Variants in MDGA2 observed in about 807,000 individuals in gnomAD.
MDGA2 encodes the protein MAM domain-containing glycosylphosphatidylinositol anchor protein 2.
A neutral mutation model predicts 117.8 loss-of-function variants in MDGA2; 40 were observed. That is an observed-to-expected ratio of 0.34 (90% CI 0.26 to 0.44). The LOEUF is 0.44. Ranked by LOEUF, MDGA2 falls within the 20% of genes least tolerant of loss-of-function variation. The pLI is 1.00. For synonymous variants in MDGA2, 452 were observed against 439.0 expected (o/e 1.03, Z -0.37); for missense variants, 1,123 against 1,250.6 (o/e 0.90, Z 1.54).
At chr14:46,934,196 TAG>T (rs954830617) in intron 9 of MDGA2, among the ~76,000 whole-genome samples, 4 of 151,998 alleles carry the variant, frequency 2.6e-5, no homozygotes, top group African/African-American at 9.7e-5. Flanking sequence ...TTGTCTATTA[TAG>T]AGATTTCCAA....
At chr14:47,494,195 T>G (rs1338767923) in intron 1 of MDGA2, among the ~76,000 whole-genome samples, 1 of 152,204 alleles carries the variant, frequency 6.6e-6, no homozygotes, top group East Asian at 1.9e-4. Context: ...TTAAACCTCT[T>G]TGCTTTATAA....
At chr14:47,588,245 T>TATATATAG (rs1555334168) in intron 1 of MDGA2, among the ~76,000 whole-genome samples, 1 of 85,442 alleles carries the variant, frequency 1.2e-5, no homozygotes, top group Non-Finnish European at 2.4e-5. Flanking sequence ...TAGATATATA[T>TATATATAG]ATATATATAT....
At chr14:47,652,561 CTT>C (rs1897664765) in intron 1 of MDGA2, among the ~76,000 whole-genome samples, 1 of 152,064 alleles carries the variant, frequency 6.6e-6, no homozygotes, top group Non-Finnish European at 1.5e-5. Flanking sequence ...TAGAATTAAA[CTT>C]TGATTCACAA....
chr14:47,157,467 T>C (rs910192467), intron 3 of MDGA2, among the ~76,000 whole-genome samples: 1 of 152,200 alleles, frequency 6.6e-6, no homozygotes, highest in Non-Finnish European at 1.5e-5. Flanking sequence ...GAAAGAGTTT[T>C]TGAACCTTGA....
rs1889870477 is a variant in MDGA2 at position 47,061,246 on chromosome 14, T to C, written c.1525+3A>G. On this transcript the variant is annotated splice_donor_region_variant and intron_variant, in intron 7 of 16. Transcript: ENST00000399232. ...TTTTACATCATAAATATATGCCTCT[T>C]ACCTGTGCTGCTGGATATATTAACA... The C allele has an allele frequency of 3.1e-6, 5 of 1,608,376 alleles. No homozygotes were observed. Among genetic ancestry groups the C allele is most frequent in the Non-Finnish European group, 4.3e-6 (5 of 1,175,362 alleles).
At chr14:47,148,488 G>A (rs950532435) in intron 3 of MDGA2, among the ~76,000 whole-genome samples, 61 of 152,174 alleles carry the variant, frequency 4.0e-4, no homozygotes, top group African/African-American at 1.3e-3. Context: ...CCATTCTATC[G>A]CTCTATTAAG....
chr14:47,068,273 G>A (rs531190062), intron 6 of MDGA2, among the ~76,000 whole-genome samples: 16 of 151,914 alleles, frequency 1.1e-4, no homozygotes, highest in African/African-American at 3.6e-4. Context: ...AAGAAAGGAC[G>A]TTTTAGGCAG....
At chr14:47,038,738 C>T (rs1214968977) in intron 7 of MDGA2, among the ~76,000 whole-genome samples, 1 of 151,746 alleles carries the variant, frequency 6.6e-6, no homozygotes, top group African/African-American at 2.4e-5. Flanking sequence ...GAGATCAAGA[C>T]CATCCTGGTC....
At chr14:47,027,227 G>A (rs1268811539) in intron 8 of MDGA2, among the ~76,000 whole-genome samples, 1 of 151,926 alleles carries the variant, frequency 6.6e-6, no homozygotes, top group African/African-American at 2.4e-5. Context: ...GGGTTTCAAG[G>A]GGAGAAAATA....
intron 1 of MDGA2, among the ~76,000 whole-genome samples, chr14:47,645,089 T>C (rs1209011637): frequency 6.6e-6 from 1 of 152,136 alleles, no homozygotes; most frequent in Non-Finnish European, 1.5e-5. Context: ...CCTATAAGAC[T>C]CATTTCAGAT....
chr14:47,178,870 G>A (rs1229637477), intron 3 of MDGA2, among the ~76,000 whole-genome samples: 1 of 152,072 alleles, frequency 6.6e-6, no homozygotes, highest in Non-Finnish European at 1.5e-5. Flanking sequence ...TCCAGGTAGA[G>A]GGAACAGTAT....
intron 2 of MDGA2, among the ~76,000 whole-genome samples, chr14:47,266,098 A>G (rs1447561067): frequency 6.6e-6 from 1 of 152,162 alleles, no homozygotes; most frequent in Non-Finnish European, 1.5e-5. Context: ...TCTTCAATGT[A>G]TAGGTGGACA....
At chr14:47,071,394 G>C (rs979771043) in intron 6 of MDGA2, among the ~76,000 whole-genome samples, 1 of 152,160 alleles carries the variant, frequency 6.6e-6, no homozygotes, top group Admixed American at 6.5e-5. Flanking sequence ...GCTGAGGTGT[G>C]AAGAGACTCA....
At chr14:47,526,706 G>T (rs1411881970) in intron 1 of MDGA2, among the ~76,000 whole-genome samples, 2 of 152,258 alleles carry the variant, frequency 1.3e-5, no homozygotes, top group East Asian at 1.9e-4. Flanking sequence ...AGTTCTCTGA[G>T]ATTTCTTCTT....
At chr14:46,946,684 A>G (rs895231977) in intron 9 of MDGA2, among the ~76,000 whole-genome samples, 100 of 152,244 alleles carry the variant, frequency 6.6e-4, no homozygotes, top group African/African-American at 2.2e-3. Context: ...GAGAGATGAC[A>G]TATATTAAGA....
chr14:47,616,363 ATTG>A (rs1896948814), intron 1 of MDGA2, among the ~76,000 whole-genome samples: 1 of 152,242 alleles, frequency 6.6e-6, no homozygotes, highest in African/African-American at 2.4e-5. Context: ...TTGTAAGATA[ATTG>A]TTGTTTTATT....
At chr14:46,869,091 C>T (rs1881892844) in intron 14 of MDGA2, among the ~76,000 whole-genome samples, 1 of 151,900 alleles carries the variant, frequency 6.6e-6, no homozygotes, top group Non-Finnish European at 1.5e-5. Context: ...CTCTATTTAT[C>T]AGTTCTTTTA....
intron 9 of MDGA2, among the ~76,000 whole-genome samples, chr14:46,933,814 A>T (rs1342496516): frequency 2.1e-5 from 1 of 48,082 alleles, no homozygotes; most frequent in South Asian, 1.2e-3. Flanking sequence ...ATATATATAT[A>T]TATATATATA....
Position 47,184,943 on chromosome 14 carries a change from C to T in MDGA2, c.595+33078G>A, listed in dbSNP as rs933088895. Reference sequence around the variant, plus strand: ...AAACCCATTAAAAGAATAAATAAAACGAAAACAAATAAATGGAATGAAAGA... The same window carrying T: ...AAACCCATTAAAAGAATAAATAAAATGAAAACAAATAAATGGAATGAAAGA... On this transcript the variant is annotated intron_variant, in intron 3 of 16. Coordinates refer to ENST00000399232, the MANE Select transcript of MDGA2 (RefSeq NM_001113498.3). 5.3e-5 allele frequency among the ~76,000 whole-genome samples: 8 copies of T among 150,326 alleles called. No homozygotes were observed. The South Asian group carries it at 6.3e-4, about 12-fold the overall frequency.
Sources: gnomAD v4.1 joint callset for allele counts (sites outside exome capture counted in the v4.1 genomes callset) on GRCh38, gnomAD v4.1.1 for gene constraint, MANE v1.5 for transcripts, NCBI Gene and HGNC (gene_info 2026-07-23, HGNC 2026-07-21) for gene names.